DNAAF4: variants seen among roughly 807,000 people sequenced by gnomAD.
The protein encoded by DNAAF4 is dynein assembly factor 4, axonemal.
A neutral mutation model predicts 51.8 loss-of-function variants in DNAAF4; 43 were observed. The ratio of observed to expected loss-of-function variants is 0.83; its 90% CI spans 0.65 to 1.07. DNAAF4 has a LOEUF of 1.07. Among genes scored for constraint, DNAAF4 ranks in the 50% least tolerant of loss-of-function variants. The pLI is 0.00. For missense variants in DNAAF4, 581 were observed against 493.0 expected (o/e 1.18, Z -1.69); for synonymous variants, 194 against 165.6 (o/e 1.17, Z -1.32).
chr15:55,505,162 A>T (rs1246896295), intron 1 of DNAAF4, among the ~76,000 whole-genome samples: 2 of 152,264 alleles, frequency 1.3e-5, no homozygotes, highest in African/African-American at 4.8e-5. Context: ...CAGACATATG[A>T]AAAAATGCTT....
At chr15:55,468,366 C>G (rs2058200176) in intron 4 of DNAAF4, among the ~76,000 whole-genome samples, 1 of 152,166 alleles carries the variant, frequency 6.6e-6, no homozygotes, top group African/African-American at 2.4e-5. Context: ...TCACGGGACA[C>G]TGAATGAAAA....
At chr15:55,451,691 G>A (rs1228559755) in intron 5 of DNAAF4, among the ~76,000 whole-genome samples, 2 of 151,300 alleles carry the variant, frequency 1.3e-5, no homozygotes, top group Non-Finnish European at 2.9e-5. Context: ...ACAGCACACT[G>A]CAGCTTTGAA....
intron 4 of DNAAF4, 75 bp from the exon 5 acceptor site, chr15:55,467,236 AT>A: frequency 7.8e-7 from 1 of 1,279,808 alleles, no homozygotes; most frequent in South Asian, 1.4e-5. Context: ...ATTCATTACA[AT>A]AATTAGTTAT....
chr15:55,461,074 A>AT (rs879508635), intron 5 of DNAAF4, among the ~76,000 whole-genome samples: 81 of 129,942 alleles, frequency 6.2e-4, no homozygotes, highest in African/African-American at 9.3e-4. Context: ...CATCTCAATA[A>AT]TTTTTTTTTT....
intron 6 of DNAAF4, chr15:55,442,966 A>C: frequency 6.2e-7 from 1 of 1,611,302 alleles, no homozygotes; most frequent in African/African-American, 1.3e-5. Context: ...CCTTTTCTCA[A>C]CGTCATTGTA....
intron 2 of DNAAF4, 36 bp downstream of exon 2, chr15:55,498,171 C>T (rs555119537): frequency 6.2e-7 from 1 of 1,613,898 alleles, no homozygotes; most frequent in South Asian, 1.1e-5. Flanking sequence ...TCGGACCACA[C>T]CCCCGGAGAC....
intron 4 of DNAAF4, among the ~76,000 whole-genome samples, chr15:55,471,760 G>T (rs905772016): frequency 2.0e-5 from 3 of 151,888 alleles, no homozygotes; most frequent in African/African-American, 4.8e-5. Context: ...TGATCTGCCC[G>T]CCTCGGCCTC....
At chr15:55,433,496 G>A (rs1341253158) in intron 8 of DNAAF4, among the ~76,000 whole-genome samples, 1 of 151,264 alleles carries the variant, frequency 6.6e-6, no homozygotes, top group Non-Finnish European at 1.5e-5. Context: ...TATGATGGCG[G>A]GCGCCTTCAG....
At chr15:55,497,020 G>T (rs1029068606) in intron 3 of DNAAF4, among the ~76,000 whole-genome samples, 2 of 152,082 alleles carry the variant, frequency 1.3e-5, no homozygotes, top group African/African-American at 4.8e-5. Context: ...GACAAATTTT[G>T]TTAAAAGCTA....
intron 1 of DNAAF4, among the ~76,000 whole-genome samples, chr15:55,502,482 A>G (rs2141612061): frequency 6.6e-6 from 1 of 152,252 alleles, no homozygotes; most frequent in Non-Finnish European, 1.5e-5. Context: ...CATTTCTTCC[A>G]TTCTTCATGT....
At chr15:55,418,804 A>C in intron 7 of DNAAF4, 1 of 372,434 alleles carries the variant, frequency 2.7e-6, no homozygotes, top group Non-Finnish European at 4.7e-6. Flanking sequence ...CAAAAGCTTC[A>C]AAAGCCTTTC....
chr15:55,461,401 C>T (rs1467280090), intron 5 of DNAAF4, among the ~76,000 whole-genome samples: 2 of 152,024 alleles, frequency 1.3e-5, no homozygotes, highest in African/African-American at 4.8e-5. Flanking sequence ...CAGCCCATCT[C>T]AGTAAATTTA....
intron 1 of DNAAF4, among the ~76,000 whole-genome samples, chr15:55,504,975 T>A (rs2058719006): frequency 6.6e-6 from 1 of 151,952 alleles, no homozygotes; most frequent in African/African-American, 2.4e-5. Context: ...ATCATCAGAG[T>A]GAACAGGCAA....
chr15:55,456,500 G>A (rs2058023318), intron 5 of DNAAF4, among the ~76,000 whole-genome samples: 1 of 152,162 alleles, frequency 6.6e-6, no homozygotes, highest in African/African-American at 2.4e-5. Context: ...TCGGAGACAG[G>A]ATTAACATGC....
intron 1 of DNAAF4, among the ~76,000 whole-genome samples, 159 bp downstream of exon 1, chr15:55,507,963 A>G (rs1050242740): frequency 1.3e-5 from 2 of 152,188 alleles, no homozygotes; most frequent in African/African-American, 4.8e-5. Context: ...TAGAAATGCA[A>G]ATTCCCAGTC....
rs184266867 is a variant in DNAAF4, at chr15:55,458,755, A to G, written c.637+8175T>C. Among the ~76,000 whole-genome samples the G allele has an allele frequency of 3.7e-4, 57 of 152,276 alleles. No homozygotes were observed. In the East Asian group the frequency reaches 5.6e-3, roughly 15 times the overall value. ...ACATAGTCATCACATTGTCTAAAGT[A>G]AAGATGAAAGAAAGAATCTTAAGAG... On this transcript the variant is annotated intron_variant, in intron 5 of 9. Coordinates refer to ENST00000321149, the MANE Select transcript of DNAAF4 (RefSeq NM_130810.4).
chr15:55,495,832 A>G (rs928406607), intron 3 of DNAAF4, among the ~76,000 whole-genome samples: 6 of 152,252 alleles, frequency 3.9e-5, no homozygotes, highest in African/African-American at 1.4e-4. Context: ...AAACAGGGCT[A>G]AAGCAGTAGA....
intron 4 of DNAAF4, among the ~76,000 whole-genome samples, chr15:55,490,508 TTC>T (rs954573320): frequency 1.3e-5 from 2 of 152,230 alleles, no homozygotes; most frequent in African/African-American, 4.8e-5. Context: ...TTAAATATGC[TTC>T]TGTTTTAAAA....
intron 1 of DNAAF4, among the ~76,000 whole-genome samples, chr15:55,504,971 A>G (rs2058718970): frequency 6.6e-6 from 1 of 152,232 alleles, no homozygotes; most frequent in African/African-American, 2.4e-5. Context: ...AACTATCATC[A>G]GAGTGAACAG....
Sources: allele counts gnomAD v4.1 joint callset (sites outside exome capture counted in the v4.1 genomes callset), GRCh38; gene constraint gnomAD v4.1.1; transcripts MANE v1.5; gene names NCBI Gene and HGNC (gene_info 2026-07-23, HGNC 2026-07-21).